The following EPHB1 variants were observed in gnomAD, a reference collection of about 807,000 sequenced individuals.
The protein encoded by EPHB1 is EPH receptor B1, also known as ephrin type-B receptor 1.
In EPHB1, 30 loss-of-function variants were observed where a neutral mutation model predicts 94.4. The ratio of observed to expected loss-of-function variants is 0.32; its 90% CI spans 0.24 to 0.43. EPHB1 has a LOEUF of 0.43. Among genes scored for constraint, EPHB1 ranks in the 20% least tolerant of loss-of-function variants. The probability of loss-of-function intolerance (pLI) is 1.00; values close to 1 mark genes in which losing one functional copy is unlikely to be tolerated. For synonymous variants in EPHB1, 522 were observed against 489.1 expected (o/e 1.07, Z -0.89); for missense variants, 1,055 against 1,308.3 (o/e 0.81, Z 2.99).
At chr3:134,862,219 G>A (rs2037278929) in intron 1 of EPHB1, among the ~76,000 whole-genome samples, 2 of 152,142 alleles carry the variant, frequency 1.3e-5, no homozygotes, top group South Asian at 4.1e-4. Context: ...TGGCTTGCTG[G>A]GCAGCTCTTT....
chr3:135,201,289 AAGG>A (rs951733382), intron 11 of EPHB1, among the ~76,000 whole-genome samples, 182 bp from the exon 12 acceptor site: 1 of 151,750 alleles, frequency 6.6e-6, no homozygotes, highest in Non-Finnish European at 1.5e-5. Flanking sequence ...AGGGCTTGGC[AAGG>A]AGAAGAGAAC....
At chr3:134,820,916 G>C (rs981324440) in intron 1 of EPHB1, among the ~76,000 whole-genome samples, 1 of 152,196 alleles carries the variant, frequency 6.6e-6, no homozygotes, top group Non-Finnish European at 1.5e-5. Context: ...TTATTATAAA[G>C]AATTGGCTCA....
intron 1 of EPHB1, among the ~76,000 whole-genome samples, chr3:134,874,895 C>T (rs1162912014): frequency 6.6e-6 from 1 of 152,218 alleles, no homozygotes; most frequent in Non-Finnish European, 1.5e-5. Flanking sequence ...CTCCCTCTGC[C>T]TTCATACCAG....
chr3:135,099,932 CCT>C (rs1938970710), intron 3 of EPHB1, among the ~76,000 whole-genome samples: 1 of 152,186 alleles, frequency 6.6e-6, no homozygotes, highest in Non-Finnish European at 1.5e-5. Context: ...ATGTACCTTG[CCT>C]CTCTCCCAGT....
At chr3:134,874,925 C>T (rs1353283735) in intron 1 of EPHB1, among the ~76,000 whole-genome samples, 4 of 152,350 alleles carry the variant, frequency 2.6e-5, no homozygotes, top group Non-Finnish European at 5.9e-5. Flanking sequence ...GCATTGCTAT[C>T]CGCCTCTCTC....
intron 1 of EPHB1, among the ~76,000 whole-genome samples, chr3:134,807,768 A>G (rs2036094810): frequency 6.6e-6 from 1 of 152,100 alleles, no homozygotes; most frequent in South Asian, 2.1e-4. Flanking sequence ...AAGGGAACCA[A>G]TAAGGATGGG....
intron 6 of EPHB1, among the ~76,000 whole-genome samples, chr3:135,155,840 G>A (rs1321126533): frequency 6.7e-6 from 1 of 150,040 alleles, no homozygotes; most frequent in Non-Finnish European, 1.5e-5. Context: ...AGTGAGATAT[G>A]GAGCTATAGC....
At chr3:134,882,782 C>CTTT in intron 1 of EPHB1, among the ~76,000 whole-genome samples, 1 of 53,670 alleles carries the variant, frequency 1.9e-5, no homozygotes, top group South Asian at 9.8e-4. Context: ...TTCTTTCTTT[C>CTTT]TTTCTTTCTT....
At chr3:134,890,443 T>A (rs1309892294) in intron 1 of EPHB1, among the ~76,000 whole-genome samples, 2 of 152,240 alleles carry the variant, frequency 1.3e-5, no homozygotes, top group Non-Finnish European at 2.9e-5. Flanking sequence ...GCATTTCCTG[T>A]TGAAAATTGA....
At chr3:135,059,423 T>C (rs1406128591) in intron 3 of EPHB1, among the ~76,000 whole-genome samples, 1 of 152,148 alleles carries the variant, frequency 6.6e-6, no homozygotes, top group African/African-American at 2.4e-5. Context: ...CAATTTGCCA[T>C]TACTTGAGGA....
intron 1 of EPHB1, among the ~76,000 whole-genome samples, chr3:134,911,745 C>G (rs2038460204): frequency 3.3e-5 from 5 of 152,126 alleles, no homozygotes; most frequent in Non-Finnish European, 7.4e-5. Context: ...GGTGATGCAG[C>G]CTTTGGAGCC....
At chr3:134,949,747 C>G (rs373756502) in intron 2 of EPHB1, among the ~76,000 whole-genome samples, 8 of 152,114 alleles carry the variant, frequency 5.3e-5, no homozygotes, top group African/African-American at 1.9e-4. Context: ...TAATTCTAGG[C>G]AAACAGAATA....
At position 135,131,577 on chromosome 3, in the gene EPHB1, T is replaced by G. The variant is rs562867114; in HGVS notation, c.962-1137T>G. On this transcript the variant is annotated intron_variant, in intron 4 of 15. Transcript: ENST00000398015. ...ACTGAGGAGATGCAAGGCTCAGGCT[T>G]GGGAACCTGAGGCTATGATCTGTTC... 2.0e-5 allele frequency among the ~76,000 whole-genome samples: 3 copies of G among 152,290 alleles called. No individual in the cohort carries two copies. The South Asian group carries it at 6.2e-4, about 32-fold the overall frequency.
intron 3 of EPHB1, among the ~76,000 whole-genome samples, chr3:135,000,957 C>T (rs1162278891): frequency 6.6e-6 from 1 of 152,134 alleles, no homozygotes; most frequent in Non-Finnish European, 1.5e-5. Flanking sequence ...TTTTCATAGA[C>T]TTTTGTTCTG....
chr3:134,946,885 C>A (rs1267239044), intron 2 of EPHB1, among the ~76,000 whole-genome samples: 1 of 152,252 alleles, frequency 6.6e-6, no homozygotes, highest in East Asian at 1.9e-4. Flanking sequence ...AACTATAAAC[C>A]AGATAAACCT....
At chr3:134,899,980 G>C (rs2038168745) in intron 1 of EPHB1, among the ~76,000 whole-genome samples, 1 of 152,222 alleles carries the variant, frequency 6.6e-6, no homozygotes, top group South Asian at 2.1e-4. Context: ...GTAGGACATG[G>C]ACTATGGAGG....
chr3:135,073,360 G>A (rs1403854851), intron 3 of EPHB1, among the ~76,000 whole-genome samples: 4 of 152,104 alleles, frequency 2.6e-5, no homozygotes, highest in South Asian at 2.1e-4. Context: ...ATTTATAATG[G>A]AAAATTTCAA....
intron 3 of EPHB1, among the ~76,000 whole-genome samples, chr3:134,991,270 A>G (rs36096): frequency 0.64 from 97,176 of 152,032 alleles, 33,086 homozygotes; most frequent in African/African-American, 0.86. Flanking sequence ...TATGTCTCCT[A>G]TCTCCCTTTC....
intron 10 of EPHB1, among the ~76,000 whole-genome samples, chr3:135,182,556 C>T (rs889586871): frequency 6.6e-6 from 1 of 152,132 alleles, no homozygotes; most frequent in African/African-American, 2.4e-5. Flanking sequence ...CCACACCATC[C>T]ACACAGGCAT....
Sources: allele counts gnomAD v4.1 joint callset (sites outside exome capture counted in the v4.1 genomes callset), GRCh38; gene constraint gnomAD v4.1.1; transcripts MANE v1.5; gene names NCBI Gene and HGNC (gene_info 2026-07-23, HGNC 2026-07-21).